Variants in TP53INP1 observed in about 807,000 individuals in gnomAD.
TP53INP1 encodes tumor protein p53 inducible nuclear protein 1.
TP53INP1 carries 12 observed loss-of-function variants against 21.0 expected under a neutral mutation model. The observed-to-expected ratio is 0.57, with a 90% CI of 0.37 to 0.93. The LOEUF (loss-of-function observed/expected upper bound fraction) is 0.93, where lower values mean the gene tolerates loss of function less well. Ranked by LOEUF, TP53INP1 falls within the 40% of genes least tolerant of loss-of-function variation. The probability of loss-of-function intolerance (pLI) is 0.01; values close to 1 mark genes in which losing one functional copy is unlikely to be tolerated. For synonymous variants in TP53INP1, 91 were observed against 94.8 expected, an observed-to-expected ratio of 0.96 and a Z score of 0.23; for missense variants, 274 against 294.7, an observed-to-expected ratio of 0.93 and a Z score of 0.51.
chr8:94,937,406 A>G (rs1213076268), intron 3 of TP53INP1, among the ~76,000 whole-genome samples: 2 of 148,864 alleles, frequency 1.3e-5, no homozygotes, highest in Non-Finnish European at 3.0e-5. Flanking sequence ...CTGCCACTGC[A>G]CTCCAGCCTG....
rs1171995079 is a variant in TP53INP1, at chr8:94,929,878, A to G, written c.*601T>C. Reference sequence around the variant, plus strand: ...TCTTCACTAAAGCTTAATGTACCTGAATTCCAAATGAACTGTATGACTAAT... The same window carrying G: ...TCTTCACTAAAGCTTAATGTACCTGGATTCCAAATGAACTGTATGACTAAT... On this transcript the variant is annotated 3_prime_UTR_variant, in exon 4 of 4. Transcript: ENST00000342697. The G allele has an allele frequency of 6.5e-6, 1 of 152,722 alleles. No individual in the cohort carries two copies. Among genetic ancestry groups the G allele is most frequent in the Admixed American group, 6.5e-5 (1 of 15,332 alleles). The allele number at this position is 152,722 out of a possible 1,614,324, so 9.5% of individuals were successfully genotyped here.
At chr8:94,940,727 G>T in intron 2 of TP53INP1, 103 bp downstream of exon 2, 1 of 782,452 alleles carries the variant, frequency 1.3e-6, no homozygotes, top group Non-Finnish European at 2.1e-6. Flanking sequence ...TTACTTTTAA[G>T]GCTGAAAACC....
At chr8:94,940,719 A>G (rs1377629119) in intron 2 of TP53INP1, 111 bp downstream of exon 2, 3 of 719,494 alleles carry the variant, frequency 4.2e-6, no homozygotes, top group South Asian at 3.9e-5. Context: ...ACTCCTGCTT[A>G]CTTTTAAGGC....
chr8:94,948,994 G>T (rs1446593617), intron 1 of TP53INP1, among the ~76,000 whole-genome samples, 160 bp downstream of exon 1: 1 of 149,834 alleles, frequency 6.7e-6, no homozygotes, highest in African/African-American at 2.4e-5. Flanking sequence ...CGGCGGCGGC[G>T]AGGGGAGGCA....
At chr8:94,932,176 T>C in intron 3 of TP53INP1, 1 of 1,521,092 alleles carries the variant, frequency 6.6e-7, no homozygotes, top group Non-Finnish European at 9.0e-7. Context: ...ACTTTACTAT[T>C]AGGACGTGGT....
intron 1 of TP53INP1, among the ~76,000 whole-genome samples, chr8:94,946,911 A>G (rs1288322664): frequency 6.6e-6 from 1 of 152,144 alleles, no homozygotes; most frequent in Non-Finnish European, 1.5e-5. Context: ...GGTTCATTCA[A>G]AGCCAGTTGT....
chr8:94,932,071 C>T (rs1348642829), intron 3 of TP53INP1: 9 of 1,609,848 alleles, frequency 5.6e-6, no homozygotes, highest in Middle Eastern at 3.3e-4. Context: ...TATACTTACT[C>T]TGTGCCCGTG....
At chr8:94,934,513 G>T (rs1319342595) in intron 3 of TP53INP1, among the ~76,000 whole-genome samples, 1 of 151,686 alleles carries the variant, frequency 6.6e-6, no homozygotes, top group Non-Finnish European at 1.5e-5. Flanking sequence ...AGCCTCCCTA[G>T]TAGCTGGGAG....
At chr8:94,944,848 C>T (rs757348881) in intron 1 of TP53INP1, among the ~76,000 whole-genome samples, 4 of 152,116 alleles carry the variant, frequency 2.6e-5, no homozygotes, top group East Asian at 3.9e-4. Context: ...TGAATCACCT[C>T]GTCACTCTCT....
intron 1 of TP53INP1, among the ~76,000 whole-genome samples, chr8:94,943,641 T>G (rs533757760): frequency 6.6e-6 from 1 of 152,226 alleles, no homozygotes; most frequent in Non-Finnish European, 1.5e-5. Flanking sequence ...GTAAAAGTAG[T>G]TGGGATCTGT....
At chr8:94,939,110 T>C (rs1052976116) in intron 3 of TP53INP1, among the ~76,000 whole-genome samples, 3 of 152,204 alleles carry the variant, frequency 2.0e-5, no homozygotes, top group African/African-American at 4.8e-5. Context: ...AGTGTGAGTA[T>C]TGCAGGAAGA....
Position 94,928,771 on chromosome 8 carries a change from A to C in TP53INP1, c.*1708T>G, listed in dbSNP as rs922611587. The C allele has an allele frequency of 1.3e-5, 2 of 152,260 alleles. No homozygotes were observed. The highest frequency in any genetic ancestry group is 4.8e-5 in the African/African-American group (2 of 41,458). 9.4% of individuals were successfully genotyped at this position (152,260 alleles called of 1,614,324 possible). A position where few individuals can be genotyped will look rare whatever the true frequency, so the allele number is the denominator to read the frequency against. The stretch of plus-strand genomic sequence containing the variant: ...AGAAAAGAGCACAGCTCTTCGCTGA[A>C]AGTCCCCCAGGGTTCCCTGCATCAA... On this transcript the variant is annotated 3_prime_UTR_variant, in exon 4 of 4. Transcript: ENST00000342697.
chr8:94,946,696 C>CAAAAAAAAA (rs71273438), intron 1 of TP53INP1, among the ~76,000 whole-genome samples: 659 of 34,668 alleles, frequency 0.019, 108 homozygotes, highest in Non-Finnish European at 0.022. Flanking sequence ...GACCCTGTCT[C>CAAAAAAAAA]AAAAAAAAAA....
At chr8:94,931,624 A>C (rs2467676) in intron 3 of TP53INP1, among the ~76,000 whole-genome samples, 117,642 of 151,640 alleles carry the variant, frequency 0.78, 47,080 homozygotes, top group East Asian at 0.89. Flanking sequence ...AATTTTTTTA[A>C]AGTAGAATTT....
At chr8:94,948,069 G>C (rs764491872) in intron 1 of TP53INP1, among the ~76,000 whole-genome samples, 1 of 152,138 alleles carries the variant, frequency 6.6e-6, no homozygotes, top group Non-Finnish European at 1.5e-5. Context: ...TTGAGAAAAG[G>C]CTTTTTTAGC....
At chr8:94,934,728 G>C (rs982607166) in intron 3 of TP53INP1, among the ~76,000 whole-genome samples, 4 of 152,046 alleles carry the variant, frequency 2.6e-5, no homozygotes, top group African/African-American at 9.7e-5. Context: ...ATCATAATCA[G>C]AAGGGAAGAA....
chr8:94,934,036 C>G (rs1404184834), intron 3 of TP53INP1, among the ~76,000 whole-genome samples: 1 of 150,668 alleles, frequency 6.6e-6, no homozygotes, highest in Non-Finnish European at 1.5e-5. Context: ...AAGATTGCAA[C>G]ATTGTACTCC....
At position 94,941,048 on chromosome 8, in the gene TP53INP1, G is replaced by T. The variant is rs925130920; in HGVS notation, c.-107C>A. On this transcript the variant is annotated 5_prime_UTR_variant, in exon 2 of 4. Coordinates refer to ENST00000342697, the MANE Select transcript of TP53INP1 (RefSeq NM_033285.4). Reference sequence around the variant, plus strand: ...ACCGACAGGAGATTAAAGTGCACAGGGTGCTTATTCAACTTAGGTGAAAAG... The same window carrying T: ...ACCGACAGGAGATTAAAGTGCACAGTGTGCTTATTCAACTTAGGTGAAAAG... The T allele has an allele frequency of 5.3e-6, 4 of 752,216 alleles. No individual in the cohort carries two copies. Among genetic ancestry groups the T allele is most frequent in the Non-Finnish European group, 8.8e-6 (4 of 453,686 alleles). The allele number at this position is 752,216 out of a possible 1,614,324, so 46.6% of individuals were successfully genotyped here.
chr8:94,945,246 T>C (rs1405413771), intron 1 of TP53INP1, among the ~76,000 whole-genome samples: 1 of 152,238 alleles, frequency 6.6e-6, no homozygotes, highest in Non-Finnish European at 1.5e-5. Context: ...ATGAAAACTT[T>C]GTATCTGAAT....
Sources: gnomAD v4.1 joint callset for allele counts (sites outside exome capture counted in the v4.1 genomes callset) on GRCh38, gnomAD v4.1.1 for gene constraint, MANE v1.5 for transcripts, NCBI Gene and HGNC (gene_info 2026-07-23, HGNC 2026-07-21) for gene names.